Variants in AFF2 observed in about 807,000 individuals in gnomAD.
AFF2 encodes the protein ALF transcription elongation factor 2, also known as AF4/FMR2 family member 2.
A neutral mutation model predicts 76.9 loss-of-function variants in AFF2; 14 were observed. That is an observed-to-expected ratio of 0.18 (90% confidence interval 0.12 to 0.28). The LOEUF (loss-of-function observed/expected upper bound fraction) is 0.28, where lower values mean the gene tolerates loss of function less well. AFF2 is among the 10% of genes least tolerant of loss of function. The pLI is 1.00. For synonymous variants in AFF2, 398 were observed against 366.7 expected (o/e 1.09, Z -0.98); for missense variants, 868 against 1,001.1 (o/e 0.87, Z 1.79).
At chrX:148,907,827 CG>C (rs1557281606) in intron 9 of AFF2, among the ~76,000 whole-genome samples, 1 of 110,811 alleles carries the variant, frequency 9.0e-6, no homozygotes, top group Non-Finnish European at 1.9e-5. Flanking sequence ...ATTTATTAGG[CG>C]GGAATTTCCT....
At chrX:148,694,619 C>G (rs782221678) in intron 3 of AFF2, among the ~76,000 whole-genome samples, 192 of 111,573 alleles carry the variant, frequency 1.7e-3, no homozygotes, top group African/African-American at 6.1e-3. Flanking sequence ...GCATGTTTTG[C>G]TGCTTTAACT....
intron 3 of AFF2, among the ~76,000 whole-genome samples, chrX:148,669,381 T>C (rs1180818603): frequency 2.7e-5 from 3 of 111,753 alleles, no homozygotes; most frequent in Non-Finnish European, 5.6e-5. Context: ...AGCACCCCAC[T>C]CCTGGTACCA....
intron 18 of AFF2, 142 bp from the exon 19 acceptor site, chrX:148,980,596 C>T (rs1436632881): frequency 1.3e-5 from 5 of 380,046 alleles, no homozygotes; most frequent in East Asian, 4.8e-5. Flanking sequence ...GGTGTGCTGA[C>T]GTGCACATAC....
intron 3 of AFF2, among the ~76,000 whole-genome samples, chrX:148,782,260 C>A (rs1293215020): frequency 8.9e-6 from 1 of 111,742 alleles, no homozygotes; most frequent in East Asian, 2.8e-4. Flanking sequence ...TCTGATCTTC[C>A]ACAAAGGATA....
At chrX:148,731,603 C>T (rs1330680318) in intron 3 of AFF2, among the ~76,000 whole-genome samples, 2 of 111,208 alleles carry the variant, frequency 1.8e-5, no homozygotes, top group Admixed American at 1.9e-4. Context: ...ATTTTAAGCA[C>T]AGCAAAAGAA....
intron 9 of AFF2, among the ~76,000 whole-genome samples, chrX:148,950,598 G>C (rs1340077489): frequency 1.8e-5 from 2 of 111,368 alleles, no homozygotes; most frequent in Non-Finnish European, 3.8e-5. Context: ...ACTTCTTCTT[G>C]TTCTTCCTAT....
intron 7 of AFF2, among the ~76,000 whole-genome samples, chrX:148,874,797 A>G (rs1008647526): frequency 2.7e-5 from 3 of 111,558 alleles, no homozygotes; most frequent in Non-Finnish European, 5.6e-5. Context: ...ATGGCCTTAC[A>G]TGTGTTCAGC....
chrX:148,507,171 C>T (rs1380647046), intron 1 of AFF2, among the ~76,000 whole-genome samples: 1 of 112,437 alleles, frequency 8.9e-6, no homozygotes, highest in African/African-American at 3.2e-5. Context: ...ATAATACTGT[C>T]CCTCTGCCTG....
At chrX:148,892,800 C>T (rs920356104) in intron 8 of AFF2, among the ~76,000 whole-genome samples, 2 of 111,730 alleles carry the variant, frequency 1.8e-5, no homozygotes, top group African/African-American at 6.5e-5. Flanking sequence ...AGCCACAGTT[C>T]TCCCTCGTCA....
At chrX:148,806,806 T>G (rs2070141278) in intron 3 of AFF2, among the ~76,000 whole-genome samples, 1 of 111,856 alleles carries the variant, frequency 8.9e-6, no homozygotes. Context: ...AGAAAGAACC[T>G]GAGACTCCGA....
chrX:148,970,989 G>C (rs2072243591), intron 15 of AFF2, among the ~76,000 whole-genome samples: 1 of 111,268 alleles, frequency 9.0e-6, no homozygotes, highest in Non-Finnish European at 1.9e-5. Flanking sequence ...GCAATGATTT[G>C]GATTCAGGTC....
chrX:148,930,342 G>A (rs968662008), intron 9 of AFF2, among the ~76,000 whole-genome samples: 2 of 111,783 alleles, frequency 1.8e-5, no homozygotes, highest in African/African-American at 3.3e-5. Flanking sequence ...TTCATTAAAG[G>A]GGAAGCAAAG....
At chrX:148,611,252 G>A (rs905276006) in intron 1 of AFF2, among the ~76,000 whole-genome samples, 2 of 112,017 alleles carry the variant, frequency 1.8e-5, no homozygotes, top group Non-Finnish European at 3.8e-5. Flanking sequence ...ATATTTGGAA[G>A]GTAAGCTTTC....
chrX:148,886,591 A>G (rs782577454), intron 8 of AFF2, among the ~76,000 whole-genome samples: 18 of 112,256 alleles, frequency 1.6e-4, no homozygotes, highest in Admixed American at 6.6e-4. Context: ...CAGCATTTCA[A>G]TGAGACTGGA....
intron 3 of AFF2, among the ~76,000 whole-genome samples, chrX:148,674,098 ACAAC>A (rs1200116223): frequency 8.9e-6 from 1 of 112,169 alleles, no homozygotes; most frequent in Non-Finnish European, 1.9e-5. Flanking sequence ...TAGCATGAAA[ACAAC>A]CAAAGACAGT....
At chrX:148,793,680 A>G in intron 3 of AFF2, among the ~76,000 whole-genome samples, 1 of 112,128 alleles carries the variant, frequency 8.9e-6, no homozygotes. Context: ...CAGTACTTGT[A>G]TGATATGATG....
rs782177086 is a variant in AFF2 at position 148,967,630 on chromosome X, G to A, written c.3205G>A (p.Val1069Ile). Reference protein sequence around the residue: ...RRPKLTFDDSVHNADYYMQEA... With the variant: ...RRPKLTFDDSIHNADYYMQEA... ...AAAGAGCTTGTTTTGTTTATTTAGGGTTCACAATGCTGATTATTACATGCA... is the reference window on the plus strand; with the variant it reads ...AAAGAGCTTGTTTTGTTTATTTAGGATTCACAATGCTGATTATTACATGCA... The change falls in exon 15 of 21, where the codon GTT (valine) becomes ATT (isoleucine). Residue 1069 changes from valine to isoleucine, a missense_variant and splice_region_variant. Physicochemically the swap from Val to Ile is conservative, Grantham distance 29 (BLOSUM62 3). Coordinates refer to ENST00000370460, the MANE Select transcript of AFF2 (RefSeq NM_002025.4). 80 of 1,205,570 alleles carry A rather than the reference G, an allele frequency of 6.6e-5. No individual in the cohort carries two copies. The highest frequency in any genetic ancestry group is 8.6e-5 in the Non-Finnish European group (77 of 891,782).
intron 7 of AFF2, among the ~76,000 whole-genome samples, chrX:148,875,238 A>G (rs782694418): frequency 1.1e-4 from 12 of 112,373 alleles, no homozygotes. Flanking sequence ...AAACAATACT[A>G]TCAAATTTTC....
At chrX:148,830,887 G>A (rs2070445531) in intron 4 of AFF2, among the ~76,000 whole-genome samples, 2 of 110,982 alleles carry the variant, frequency 1.8e-5, no homozygotes, top group Non-Finnish European at 3.8e-5. Context: ...ATAAGCCTGG[G>A]AGCGCTATGG....
Sources: gnomAD v4.1 joint callset for allele counts (sites outside exome capture counted in the v4.1 genomes callset) on GRCh38, gnomAD v4.1.1 for gene constraint, MANE v1.5 for transcripts, NCBI Gene and HGNC (gene_info 2026-07-23, HGNC 2026-07-21) for gene names.